PID1: variants seen among roughly 807,000 people sequenced by gnomAD.
PID1 encodes the protein PTB-containing, cubilin and LRP1-interacting protein.
In PID1, 10 loss-of-function variants were observed where a neutral mutation model predicts 19.1. That is an observed-to-expected ratio of 0.52 (90% CI 0.32 to 0.89). PID1 has a LOEUF of 0.89. Ranked by LOEUF, PID1 falls within the 40% of genes least tolerant of loss-of-function variation. The pLI is 0.03. For synonymous variants in PID1, 130 were observed against 116.0 expected, an observed-to-expected ratio of 1.12 and a Z score of -0.78; for missense variants, 248 against 285.3, an observed-to-expected ratio of 0.87 and a Z score of 0.94.
At chr2:229,097,560 C>A (rs994621094) in intron 2 of PID1, among the ~76,000 whole-genome samples, 1 of 152,100 alleles carries the variant, frequency 6.6e-6, no homozygotes. Context: ...TGTATAAATT[C>A]ATTCAGTTGA....
At chr2:229,219,620 A>C (rs1305508989) in intron 1 of PID1, among the ~76,000 whole-genome samples, 1 of 152,070 alleles carries the variant, frequency 6.6e-6, no homozygotes, top group African/African-American at 2.4e-5. Context: ...TGCAGCTTCA[A>C]ACTCCTAGGC....
chr2:229,134,895 T>C (rs1689828279), intron 2 of PID1, among the ~76,000 whole-genome samples: 1 of 151,168 alleles, frequency 6.6e-6, no homozygotes, highest in Non-Finnish European at 1.5e-5. Context: ...ACTTTTACTA[T>C]GTCCGTGGGA....
chr2:229,032,941 C>T (rs1437955049), intron 2 of PID1, among the ~76,000 whole-genome samples: 1 of 152,156 alleles, frequency 6.6e-6, no homozygotes, highest in Non-Finnish European at 1.5e-5. Flanking sequence ...AGCGTCGGAT[C>T]AGGAGAGAGC....
chr2:229,134,239 T>TTG (rs1483805458), intron 2 of PID1, among the ~76,000 whole-genome samples: 1 of 143,776 alleles, frequency 7.0e-6, no homozygotes, highest in African/African-American at 2.6e-5. Flanking sequence ...GTGTTTTTTT[T>TTG]TTTTTTTTTT....
chr2:229,193,654 A>G (rs1038422032), intron 1 of PID1, among the ~76,000 whole-genome samples: 5 of 151,922 alleles, frequency 3.3e-5, no homozygotes, highest in African/African-American at 9.7e-5. Context: ...TATTGTTACT[A>G]TTTGTTATGT....
At chr2:229,178,043 C>A (rs1690862685) in intron 1 of PID1, among the ~76,000 whole-genome samples, 1 of 152,032 alleles carries the variant, frequency 6.6e-6, no homozygotes, top group South Asian at 2.1e-4. Flanking sequence ...GCTTACAGGC[C>A]CAAGTCAGAG....
intron 1 of PID1, among the ~76,000 whole-genome samples, chr2:229,238,543 C>T (rs1005388719): frequency 4.6e-5 from 7 of 152,144 alleles, no homozygotes; most frequent in Non-Finnish European, 5.9e-5. Context: ...GTTTGCCTTA[C>T]GAATAAAGTA....
In PID1 at chr2:229,216,535, G is replaced by A. The variant is rs555468919; in HGVS notation, c.30+54479C>T. On this transcript the variant is annotated intron_variant, in intron 1 of 2. Coordinates refer to ENST00000392055, the MANE Select transcript of PID1 (RefSeq NM_001100818.2). ...AAAAGAGCAGAAAAATGATGGAGATGCTACAAATTAGAGTTGGTAGATTAG... is the reference window on the plus strand; with the variant it reads ...AAAAGAGCAGAAAAATGATGGAGATACTACAAATTAGAGTTGGTAGATTAG... 2.8e-4 allele frequency among the ~76,000 whole-genome samples: 43 copies of A among 152,272 alleles called. No individual in the cohort carries two copies. The South Asian group carries it at 8.7e-3, about 31-fold the overall frequency.
intron 2 of PID1, among the ~76,000 whole-genome samples, chr2:229,151,992 C>T (rs1690266371): frequency 6.6e-6 from 1 of 152,176 alleles, no homozygotes; most frequent in South Asian, 2.1e-4. Context: ...GATAAGGTGG[C>T]ACACACAGTG....
At chr2:229,206,992 C>A (rs960311201) in intron 1 of PID1, among the ~76,000 whole-genome samples, 2 of 152,162 alleles carry the variant, frequency 1.3e-5, no homozygotes, top group Non-Finnish European at 2.9e-5. Flanking sequence ...CCTGGGACTA[C>A]ACTTTGATAA....
intron 1 of PID1, 110 bp downstream of exon 1, chr2:229,270,904 A>T: frequency 1.0e-6 from 1 of 955,828 alleles, no homozygotes; most frequent in Non-Finnish European, 1.5e-6. Context: ...GATGCGTCTT[A>T]CAAGATGGTT....
intron 1 of PID1, among the ~76,000 whole-genome samples, chr2:229,209,946 T>G (rs1001052740): frequency 6.6e-6 from 1 of 152,124 alleles, no homozygotes; most frequent in African/African-American, 2.4e-5. Context: ...GGAAAGGTTA[T>G]TACCAAGGAA....
intron 2 of PID1, among the ~76,000 whole-genome samples, chr2:229,062,113 T>C (rs1206091362): frequency 6.6e-6 from 1 of 151,968 alleles, no homozygotes; most frequent in Non-Finnish European, 1.5e-5. Context: ...TAGCTACAAC[T>C]TTCAATACTA....
rs552310409 is a variant in PID1, at chr2:229,222,860, C to T, written c.30+48154G>A. ...CCTAATTTTAAAAAGTCTCTTCACACACAAACACACACACACACACACACA... is the reference window on the plus strand; with the variant it reads ...CCTAATTTTAAAAAGTCTCTTCACATACAAACACACACACACACACACACA... On this transcript the variant is annotated intron_variant, in intron 1 of 2. Transcript: ENST00000392055. Among the ~76,000 whole-genome samples the T allele has an allele frequency of 1.4e-4, 12 of 83,582 alleles. 1 individual carries two copies. The highest frequency in any genetic ancestry group is 7.4e-4 in the African/African-American group (12 of 16,284). 54.8% of individuals were successfully genotyped at this position (83,582 alleles called of 152,430 possible). A position where few individuals can be genotyped will look rare whatever the true frequency, so the allele number is the denominator to read the frequency against.
chr2:229,217,151 T>A (rs1020965642), intron 1 of PID1, among the ~76,000 whole-genome samples: 9 of 152,178 alleles, frequency 5.9e-5, no homozygotes, highest in Non-Finnish European at 1.3e-4. Context: ...CCCATTTTTG[T>A]CCAGGATCTA....
intron 1 of PID1, among the ~76,000 whole-genome samples, chr2:229,161,679 G>A (rs967592035): frequency 6.6e-6 from 1 of 152,142 alleles, no homozygotes; most frequent in Non-Finnish European, 1.5e-5. Flanking sequence ...CGGTCCCCAG[G>A]TTATCCATAT....
intron 2 of PID1, among the ~76,000 whole-genome samples, chr2:229,103,039 GAT>G (rs1226517042): frequency 2.0e-5 from 3 of 152,210 alleles, no homozygotes; most frequent in Non-Finnish European, 4.4e-5. Flanking sequence ...TTGCTCATCA[GAT>G]ATCAAATATT....
chr2:229,123,132 C>T (rs1283831113), intron 2 of PID1, among the ~76,000 whole-genome samples: 2 of 151,720 alleles, frequency 1.3e-5, no homozygotes, highest in African/African-American at 4.8e-5. Flanking sequence ...ATATTTCTAT[C>T]ACTCCAAAAA....
intron 2 of PID1, among the ~76,000 whole-genome samples, chr2:229,057,310 GCCTGTAATC>G (rs1173155558): frequency 1.3e-5 from 2 of 151,992 alleles, no homozygotes; most frequent in Non-Finnish European, 2.9e-5. Flanking sequence ...GATCGTGGGT[GCCTGTAATC>G]CCAGCTACTC....
Sources: allele counts gnomAD v4.1 joint callset (sites outside exome capture counted in the v4.1 genomes callset), GRCh38; gene constraint gnomAD v4.1.1; transcripts MANE v1.5; gene names NCBI Gene and HGNC (gene_info 2026-07-23, HGNC 2026-07-21).